Variants in CDH13 observed in about 807,000 individuals in gnomAD.
The protein encoded by CDH13 is cadherin 13.
Under a neutral mutation model 63.8 loss-of-function variants are expected in CDH13, and 24 were observed. That is an observed-to-expected ratio of 0.38 (90% CI 0.27 to 0.53). CDH13 has a LOEUF of 0.53. CDH13 is among the 20% of genes least tolerant of loss of function. The pLI is 0.85. For synonymous variants in CDH13, 503 were observed against 355.3 expected (o/e 1.42, Z -4.67); for missense variants, 1,049 against 903.1 (o/e 1.16, Z -2.07).
In CDH13 at chr16:82,899,648, C is replaced by A. The variant is rs116480862; in HGVS notation, c.157+41175C>A. Among the ~76,000 whole-genome samples the A allele has an allele frequency of 7.7e-3, 1,177 of 151,980 alleles. 30 individuals are homozygous for A. Among genetic ancestry groups the A allele is most frequent in the African/African-American group, 0.028 (1,142 of 41,468 alleles). On this transcript the variant is annotated intron_variant, in intron 2 of 13. Transcript: ENST00000567109. ...GTTTTGGAGTATGCATGGATTTGGCCTTATAGTTTATTGAGAGCATTTTTG... is the reference window on the plus strand; with the variant it reads ...GTTTTGGAGTATGCATGGATTTGGCATTATAGTTTATTGAGAGCATTTTTG...
intron 6 of CDH13, among the ~76,000 whole-genome samples, chr16:83,390,611 G>A (rs1015653794): frequency 2.0e-5 from 3 of 151,940 alleles, no homozygotes; most frequent in African/African-American, 7.3e-5. Flanking sequence ...ATGCCTCCAA[G>A]CCAGGAGTCC....
At chr16:82,744,771 A>G (rs1318316054) in intron 1 of CDH13, among the ~76,000 whole-genome samples, 2 of 152,196 alleles carry the variant, frequency 1.3e-5, no homozygotes, top group Non-Finnish European at 2.9e-5. Flanking sequence ...CGAGGGCTGG[A>G]TGAATTTATG....
chr16:83,794,897 C>T lies in CDH13; in HGVS notation c.2135-126C>T, dbSNP rs1904274792. 3.5e-6 allele frequency: 3 copies of T among 851,846 alleles called. No individual in the cohort carries two copies. In the African/African-American group the frequency reaches 5.0e-5, roughly 14 times the overall value. The allele number at this position is 851,846 out of a possible 1,614,324, so 52.8% of individuals were successfully genotyped here. ...GATCCTTAAGGAAAAAAAAAATTCC[C>T]CCATAGTCGTGTGATGTTTAAAATG... On this transcript the variant is annotated intron_variant, in intron 13 of 13. Coordinates refer to ENST00000567109, the MANE Select transcript of CDH13 (RefSeq NM_001257.5).
intron 2 of CDH13, among the ~76,000 whole-genome samples, chr16:82,992,660 C>G (rs1053770576): frequency 6.6e-6 from 1 of 152,062 alleles, no homozygotes; most frequent in African/African-American, 2.4e-5. Flanking sequence ...TTTTTAAAAG[C>G]AAATGCTTAA....
At chr16:83,506,567 A>T (rs1598178090) in intron 7 of CDH13, among the ~76,000 whole-genome samples, 1 of 152,132 alleles carries the variant, frequency 6.6e-6, no homozygotes, top group African/African-American at 2.4e-5. Flanking sequence ...TTTGCATATT[A>T]TGGTAGCCAG....
At chr16:83,093,347 G>GTTTTTTTTTTT (rs2034023527) in intron 3 of CDH13, among the ~76,000 whole-genome samples, 1 of 59,432 alleles carries the variant, frequency 1.7e-5, no homozygotes, top group Non-Finnish European at 3.3e-5. Flanking sequence ...TGGAGTCTTC[G>GTTTTTTTTTTT]TCTTTTGCCC....
At chr16:83,000,319 G>A (rs533608992) in intron 2 of CDH13, among the ~76,000 whole-genome samples, 1 of 126,222 alleles carries the variant, frequency 7.9e-6, no homozygotes, top group South Asian at 2.7e-4. Context: ...TGCGATCTCG[G>A]CTCGCTGCAA....
At chr16:83,350,190 A>G (rs553262170) in intron 6 of CDH13, among the ~76,000 whole-genome samples, 2 of 152,166 alleles carry the variant, frequency 1.3e-5, no homozygotes, top group South Asian at 4.2e-4. Flanking sequence ...TTCCAACAAC[A>G]TCAGGAGCTG....
chr16:82,953,406 G>C (rs1046288410), intron 2 of CDH13: 1 of 152,180 alleles, frequency 6.6e-6, no homozygotes, highest in Non-Finnish European at 1.5e-5. Context: ...AGGAGACCCT[G>C]ATGGTGGCAA....
intron 7 of CDH13, among the ~76,000 whole-genome samples, chr16:83,561,476 G>A (rs554084680): frequency 1.3e-5 from 2 of 148,962 alleles, no homozygotes; most frequent in Non-Finnish European, 3.0e-5. Flanking sequence ...TGCTATCAAA[G>A]TATATTTTCC....
intron 3 of CDH13, among the ~76,000 whole-genome samples, chr16:83,108,355 T>A (rs1469771365): frequency 1.3e-5 from 2 of 152,170 alleles, no homozygotes; most frequent in African/African-American, 4.8e-5. Flanking sequence ...AACTGAGTTC[T>A]TGTCAAACAA....
intron 3 of CDH13, among the ~76,000 whole-genome samples, chr16:83,078,994 C>T (rs2033047044): frequency 6.6e-6 from 1 of 152,106 alleles, no homozygotes; most frequent in Non-Finnish European, 1.5e-5. Flanking sequence ...GGGGTTTCAC[C>T]ATGTTGGCCA....
intron 7 of CDH13, among the ~76,000 whole-genome samples, chr16:83,546,922 A>G (rs2075397230): frequency 6.6e-6 from 1 of 152,240 alleles, no homozygotes; most frequent in South Asian, 2.1e-4. Flanking sequence ...TGCAAAATGC[A>G]GAAATGAATG....
At position 82,800,111 on chromosome 16, in the gene CDH13, G is replaced by A. The variant is rs1166923936; in HGVS notation, c.46-58251G>A. ...ACCCTTTGGTTGGCTGTTAACTATT[G>A]CATATTTGTCTGTCTTGTCAATAAG... is the stretch of plus-strand genomic sequence containing the variant. On this transcript the variant is annotated intron_variant, in intron 1 of 13. Coordinates refer to ENST00000567109, the MANE Select transcript of CDH13 (RefSeq NM_001257.5). Among the ~76,000 whole-genome samples, 6 of 152,052 alleles carry A rather than the reference G, an allele frequency of 3.9e-5. No individual in the cohort carries two copies. In the East Asian group the frequency reaches 1.2e-3, roughly 29 times the overall value.
chr16:83,348,583 G>C (rs942459908), intron 6 of CDH13, among the ~76,000 whole-genome samples: 5 of 152,182 alleles, frequency 3.3e-5, no homozygotes, highest in Non-Finnish European at 7.3e-5. Context: ...CTTAATAATT[G>C]TTGAACAAGG....
intron 6 of CDH13, among the ~76,000 whole-genome samples, chr16:83,373,601 G>C (rs890098168): frequency 6.6e-5 from 10 of 152,196 alleles, no homozygotes; most frequent in Non-Finnish European, 1.0e-4. Context: ...GTGTTGGAGA[G>C]AGGCAGGCAT....
chr16:82,683,905 C>T (rs1476061775), intron 1 of CDH13, among the ~76,000 whole-genome samples: 1 of 152,182 alleles, frequency 6.6e-6, no homozygotes. Context: ...AAATTGTGCG[C>T]TTTTTATTCT....
rs569772828 is a variant in CDH13, at chr16:83,716,328, G to T, written c.1539-31780G>T. ...GTTCCCTTTTGGTGTTGGAAATCCC[G>T]TGGGTTTGGGCAAATGTATAACAGC... On this transcript the variant is annotated intron_variant, in intron 10 of 13. Coordinates refer to ENST00000567109, the MANE Select transcript of CDH13 (RefSeq NM_001257.5). Among the ~76,000 whole-genome samples the T allele has an allele frequency of 9.2e-5, 14 of 152,234 alleles. No individual in the cohort carries two copies. In the East Asian group the frequency reaches 9.7e-4, roughly 11 times the overall value.
At chr16:83,189,034 G>C (rs1396914262) in intron 4 of CDH13, among the ~76,000 whole-genome samples, 1 of 152,108 alleles carries the variant, frequency 6.6e-6, no homozygotes, top group Non-Finnish European at 1.5e-5. Flanking sequence ...ATATGGGCAT[G>C]GTGCATTTTC....
Sources: allele counts gnomAD v4.1 joint callset (sites outside exome capture counted in the v4.1 genomes callset), GRCh38; gene constraint gnomAD v4.1.1; transcripts MANE v1.5; gene names NCBI Gene and HGNC (gene_info 2026-07-23, HGNC 2026-07-21).